Variants in HMG20A observed in about 807,000 individuals in gnomAD.
HMG20A encodes the protein high mobility group 20A.
Under a neutral mutation model 43.9 loss-of-function variants are expected in HMG20A, and 17 were observed. The ratio of observed to expected loss-of-function variants is 0.39; its 90% CI spans 0.27 to 0.58. The LOEUF is 0.58. Among genes scored for constraint, HMG20A ranks in the 20% least tolerant of loss-of-function variants. The probability of loss-of-function intolerance (pLI) is 0.59; values close to 1 mark genes in which losing one functional copy is unlikely to be tolerated. For missense variants in HMG20A, 341 were observed against 438.2 expected, an observed-to-expected ratio of 0.78 and a Z score of 1.98; for synonymous variants, 132 against 147.5, an observed-to-expected ratio of 0.89 and a Z score of 0.76.
At chr15:77,490,633 G>A in the HMG20A span, among the ~76,000 whole-genome samples, 1 of 152,158 alleles carries the variant, frequency 6.6e-6, no homozygotes. Flanking sequence ...GACCAACCTG[G>A]GCAACGTGGT....
At chr15:77,471,876 T>G in intron 6 of HMG20A, 62 bp downstream of exon 6, 1 of 948,622 alleles carries the variant, frequency 1.1e-6, no homozygotes, top group Non-Finnish European at 1.6e-6. Context: ...CTTTTTGAAA[T>G]GCTATTGGAT....
rs1472865341 is a variant in HMG20A, at chr15:77,478,342, G to C, written c.739G>C (p.Glu247Gln). The C allele has an allele frequency of 6.2e-7, 1 of 1,613,600 alleles. No homozygotes were observed. Among genetic ancestry groups the C allele is most frequent in the African/African-American group, 1.3e-5 (1 of 74,930 alleles). The change falls in exon 8 of 10, where the codon GAG (glutamate) becomes CAG (glutamine). Residue 247 changes from glutamate to glutamine, a missense_variant. Coordinates refer to ENST00000336216, the MANE Select transcript of HMG20A (RefSeq NM_001304504.2). ...GCTTCGCAAATCCAACATGGAGTTT[G>C]AGGAGAGGAATGCAGCCCTGCAAAA... ...RQLRKSNMEF[E>Q]ERNAALQKHV... is the part of the protein sequence containing the mutation.
At chr15:77,444,615 G>A (rs1357377917) in intron 1 of HMG20A, among the ~76,000 whole-genome samples, 1 of 152,162 alleles carries the variant, frequency 6.6e-6, no homozygotes, top group Non-Finnish European at 1.5e-5. Flanking sequence ...GAGAACTGAG[G>A]CTCTGTGTAT....
At chr15:77,456,581 G>C (rs2072656251) in intron 1 of HMG20A, among the ~76,000 whole-genome samples, 1 of 143,526 alleles carries the variant, frequency 7.0e-6, no homozygotes, top group African/African-American at 2.6e-5. Flanking sequence ...TTGGGAGGCT[G>C]AAGCACAAGA....
chr15:77,443,762 G>A (rs1449467938), intron 1 of HMG20A, among the ~76,000 whole-genome samples: 3 of 152,038 alleles, frequency 2.0e-5, no homozygotes, highest in Non-Finnish European at 2.9e-5. Flanking sequence ...CTGGAGTGCA[G>A]TGGCACGATA....
At chr15:77,453,359 A>G (rs1344631148) in intron 1 of HMG20A, among the ~76,000 whole-genome samples, 1 of 152,250 alleles carries the variant, frequency 6.6e-6, no homozygotes, top group Non-Finnish European at 1.5e-5. Flanking sequence ...TTAGGAAAAT[A>G]TGAACCAAAA....
At chr15:77,490,155 G>A (rs969779699), downstream of HMG20A, among the ~76,000 whole-genome samples, 12 of 152,094 alleles carry the variant, frequency 7.9e-5, no homozygotes, top group African/African-American at 2.9e-4. Flanking sequence ...GGACGTGGTG[G>A]CGCGCATCTG....
the HMG20A span, among the ~76,000 whole-genome samples, chr15:77,507,061 G>A: frequency 4.2e-4 from 64 of 152,284 alleles, no homozygotes; most frequent in Middle Eastern, 0.01. Context: ...TTGAAGGTTC[G>A]AACAGAATAA....
At chr15:77,507,022 C>T in the HMG20A span, among the ~76,000 whole-genome samples, 16 of 152,234 alleles carry the variant, frequency 1.1e-4, no homozygotes, top group African/African-American at 3.6e-4. Context: ...CAGGGCCCTC[C>T]TTCATGTGGG....
chr15:77,445,424 A>G (rs1040487917), intron 1 of HMG20A, among the ~76,000 whole-genome samples: 1 of 152,180 alleles, frequency 6.6e-6, no homozygotes, highest in African/African-American at 2.4e-5. Flanking sequence ...CCCTTTATCC[A>G]TGGGGGTACA....
At chr15:77,457,975 T>G (rs907631964) in intron 1 of HMG20A, among the ~76,000 whole-genome samples, 9 of 152,194 alleles carry the variant, frequency 5.9e-5, no homozygotes, top group African/African-American at 2.2e-4. Flanking sequence ...CATTTTAATC[T>G]CTCACAATAA....
intron 1 of HMG20A, among the ~76,000 whole-genome samples, chr15:77,424,821 G>A (rs532215316): frequency 5.5e-4 from 84 of 152,202 alleles, no homozygotes; most frequent in African/African-American, 2.0e-3. Context: ...AAATCACTAA[G>A]GTAATTTGAA....
the HMG20A span, among the ~76,000 whole-genome samples, chr15:77,513,732 C>CT: frequency 0.018 from 2,510 of 143,142 alleles, 35 homozygotes; most frequent in African/African-American, 0.023. Context: ...TCACTACCTC[C>CT]TTTTTTTTTT....
intron 1 of HMG20A, among the ~76,000 whole-genome samples, chr15:77,421,434 C>T (rs1242289180): frequency 6.6e-6 from 1 of 152,182 alleles, no homozygotes; most frequent in Admixed American, 6.5e-5. Context: ...TCTGTGTTTT[C>T]TTCAAAGAAT....
Position 77,464,388 on chromosome 15 carries a change from G to A in HMG20A, c.237+1G>A. ...CAATGAACAGAGGCATGAAGATGAGGTAAGCTGAAGTATCTCCTTCTGTTC... is the reference window on the plus strand; with the variant it reads ...CAATGAACAGAGGCATGAAGATGAGATAAGCTGAAGTATCTCCTTCTGTTC... On this transcript the variant is annotated splice_donor_variant, in intron 3 of 9. Transcript: ENST00000336216. LOFTEE classifies it high-confidence loss of function. 2 of 1,613,026 alleles carry A rather than the reference G, an allele frequency of 1.2e-6. No homozygotes were observed. The highest frequency in any genetic ancestry group is 1.7e-6 in the Non-Finnish European group (2 of 1,179,300).
intron 6 of HMG20A, among the ~76,000 whole-genome samples, chr15:77,472,522 C>T (rs2072819177): frequency 6.6e-6 from 1 of 152,214 alleles, no homozygotes; most frequent in South Asian, 2.1e-4. Context: ...GATCCACCCG[C>T]CTTGGCCTCC....
chr15:77,442,006 A>G (rs2073617970), intron 1 of HMG20A, among the ~76,000 whole-genome samples: 1 of 152,194 alleles, frequency 6.6e-6, no homozygotes, highest in Admixed American at 6.5e-5. Flanking sequence ...ATTAGAGATG[A>G]ATCAAACACA....
Position 77,485,419 on chromosome 15 carries a change from G to A in HMG20A, c.*2456G>A, listed in dbSNP as rs1201430847. ...AAAATACAAGAAGCAGCTGAGGAAA[G>A]GGAGACAAGGTATTTTATTTCTGAC... is the stretch of plus-strand genomic sequence containing the variant. On this transcript the variant is annotated 3_prime_UTR_variant, in exon 10 of 10. Transcript: ENST00000336216. The A allele has an allele frequency of 6.6e-6, 1 of 152,640 alleles. No homozygotes were observed. Among genetic ancestry groups the A allele is most frequent in the Non-Finnish European group, 1.5e-5 (1 of 68,040 alleles). The allele number at this position is 152,640 out of a possible 1,614,324, so 9.5% of individuals were successfully genotyped here.
chr15:77,508,906 A>T, the HMG20A span, among the ~76,000 whole-genome samples: 1 of 152,200 alleles, frequency 6.6e-6, no homozygotes, highest in Non-Finnish European at 1.5e-5. Flanking sequence ...AGGGCCCTGA[A>T]ATAAAGGTTT....
Sources: allele counts gnomAD v4.1 joint callset (sites outside exome capture counted in the v4.1 genomes callset), GRCh38; gene constraint gnomAD v4.1.1; transcripts MANE v1.5; gene names NCBI Gene and HGNC (gene_info 2026-07-23, HGNC 2026-07-21).